The following GRM7 variants were observed in gnomAD, a reference collection of about 807,000 sequenced individuals.
The protein encoded by GRM7 is glutamate metabotropic receptor 7.
A neutral mutation model predicts 84.5 loss-of-function variants in GRM7; 35 were observed. The observed-to-expected ratio is 0.41, with a 90% confidence interval of 0.32 to 0.55. GRM7 has a LOEUF of 0.55. Ranked by LOEUF, GRM7 falls within the 20% of genes least tolerant of loss-of-function variation. The pLI, the probability that GRM7 is intolerant of heterozygous loss-of-function variation, is 0.19. For missense variants in GRM7, 1,003 were observed against 1,194.6 expected (o/e 0.84, Z 2.36); for synonymous variants, 487 against 455.1 (o/e 1.07, Z -0.89).
At chr3:6,965,225 G>T (rs1435868854) in intron 1 of GRM7, among the ~76,000 whole-genome samples, 1 of 152,190 alleles carries the variant, frequency 6.6e-6, no homozygotes. Context: ...ACAGAGAAAA[G>T]TTGTTCAAGA....
At chr3:6,961,683 C>T (rs1693302954) in intron 1 of GRM7, among the ~76,000 whole-genome samples, 1 of 152,174 alleles carries the variant, frequency 6.6e-6, no homozygotes, top group African/African-American at 2.4e-5. Flanking sequence ...GCCTTACCTT[C>T]CTACAACCAA....
intron 8 of GRM7, among the ~76,000 whole-genome samples, chr3:7,589,488 G>A (rs534845321): frequency 1.3e-5 from 2 of 152,260 alleles, no homozygotes; most frequent in South Asian, 2.1e-4. Context: ...ATCTTAAGAT[G>A]CTTCATTGTT....
chr3:7,103,748 C>T (rs575547891), intron 1 of GRM7, among the ~76,000 whole-genome samples: 3 of 127,446 alleles, frequency 2.4e-5, no homozygotes, highest in African/African-American at 1.1e-4. Flanking sequence ...TTCTCTCTCT[C>T]CCTTTCTTTC....
intron 7 of GRM7, among the ~76,000 whole-genome samples, chr3:7,526,210 T>C (rs1700801089): frequency 6.6e-6 from 1 of 152,136 alleles, no homozygotes; most frequent in African/African-American, 2.4e-5. Context: ...TCTGTTATTT[T>C]TTGACCTTTT....
intron 7 of GRM7, among the ~76,000 whole-genome samples, chr3:7,552,489 C>T (rs971926990): frequency 6.6e-6 from 1 of 152,196 alleles, no homozygotes; most frequent in African/African-American, 2.4e-5. Flanking sequence ...ACTGCCCTAG[C>T]AGAGGTCATT....
intron 2 of GRM7, among the ~76,000 whole-genome samples, chr3:7,244,261 C>T (rs1274898218): frequency 2.6e-5 from 4 of 152,080 alleles, no homozygotes; most frequent in African/African-American, 9.7e-5. Context: ...TATTGTACAG[C>T]TATGTACAGC....
intron 8 of GRM7, among the ~76,000 whole-genome samples, chr3:7,672,216 T>G (rs1301902429): frequency 6.6e-6 from 1 of 152,178 alleles, no homozygotes; most frequent in Non-Finnish European, 1.5e-5. Flanking sequence ...ATTGCAAACA[T>G]TCTGTCTCAT....
intron 1 of GRM7, among the ~76,000 whole-genome samples, chr3:6,909,618 G>A (rs951902829): frequency 6.6e-6 from 1 of 151,956 alleles, no homozygotes; most frequent in Non-Finnish European, 1.5e-5. Flanking sequence ...GATTTCCACT[G>A]TATATAAAAA....
chr3:7,279,672 G>A (rs1699189913), intron 2 of GRM7, among the ~76,000 whole-genome samples: 1 of 152,176 alleles, frequency 6.6e-6, no homozygotes, highest in Non-Finnish European at 1.5e-5. Context: ...GGAGCTACCT[G>A]AGACCTTCAT....
chr3:7,463,739 G>C (rs1055859554), intron 7 of GRM7, among the ~76,000 whole-genome samples: 2 of 152,166 alleles, frequency 1.3e-5, no homozygotes, highest in African/African-American at 2.4e-5. Context: ...GATTTAATCA[G>C]CAAGGAAAAT....
chr3:7,183,709 G>T (rs1482253885), intron 2 of GRM7, among the ~76,000 whole-genome samples: 1 of 152,110 alleles, frequency 6.6e-6, no homozygotes, highest in Admixed American at 6.6e-5. Flanking sequence ...CATAAAGAAA[G>T]TGCTTAGTAA....
At chr3:7,064,467 T>TATATATATATACACAC (rs1559415334) in intron 1 of GRM7, among the ~76,000 whole-genome samples, 1 of 105,400 alleles carries the variant, frequency 9.5e-6, no homozygotes, top group African/African-American at 4.7e-5. Context: ...TATATACATA[T>TATATATATATACACAC]ATATATATAT....
chr3:6,943,197 A>C (rs1205627373), intron 1 of GRM7, among the ~76,000 whole-genome samples: 1 of 151,826 alleles, frequency 6.6e-6, no homozygotes, highest in Non-Finnish European at 1.5e-5. Context: ...CAAAAAACTG[A>C]AGTTTTCAGT....
rs369222669 is a variant in GRM7, at chr3:7,036,476, C to T, written c.520-109976C>T. ...CATCTTGAGAATCACATCTAGATAA[C>T]AAAGCTTACATGGGATTATAGAATC... On this transcript the variant is annotated intron_variant, in intron 1 of 9. Coordinates refer to ENST00000357716, the MANE Select transcript of GRM7 (RefSeq NM_000844.4). 6.6e-5 allele frequency among the ~76,000 whole-genome samples: 10 copies of T among 152,078 alleles called. No individual in the cohort carries two copies. The East Asian group carries it at 7.8e-4, about 12-fold the overall frequency.
intron 5 of GRM7, among the ~76,000 whole-genome samples, chr3:7,420,374 A>T (rs1435864743): frequency 6.6e-6 from 1 of 152,184 alleles, no homozygotes; most frequent in Non-Finnish European, 1.5e-5. Context: ...TTTACTTAAC[A>T]TGATTGAGGA....
rs140203704 is a variant in GRM7 at position 6,995,554 on chromosome 3, T to A, written c.519+133647T>A. On this transcript the variant is annotated intron_variant, in intron 1 of 9. Coordinates refer to ENST00000357716, the MANE Select transcript of GRM7 (RefSeq NM_000844.4). ...AGTACTGAATGGATGCAATGGCAAT[T>A]TTGTACTTTGCTATGAAAATATTTG... 2.5e-3 allele frequency among the ~76,000 whole-genome samples: 374 copies of A among 152,290 alleles called. 2 individuals carry two copies. The highest frequency in any genetic ancestry group is 8.2e-3 in the African/African-American group (340 of 41,570).
At chr3:7,691,245 T>C (rs1412169438) in intron 9 of GRM7, 1 of 1,285,428 alleles carries the variant, frequency 7.8e-7, no homozygotes, top group South Asian at 1.2e-5. Flanking sequence ...CAAAGAGGAT[T>C]GAGATAACAT....
intron 1 of GRM7, among the ~76,000 whole-genome samples, chr3:7,081,246 C>T (rs985877537): frequency 2.6e-5 from 4 of 152,058 alleles, no homozygotes; most frequent in Middle Eastern, 3.2e-3. Context: ...CATTTCCTAA[C>T]ACCATTTTCA....
intron 1 of GRM7, among the ~76,000 whole-genome samples, chr3:6,898,847 A>G (rs542202316): frequency 4.1e-4 from 62 of 152,036 alleles, no homozygotes; most frequent in African/African-American, 1.4e-3. Flanking sequence ...ATGAAGAAAG[A>G]AAAGAAAAGA....
Sources: gnomAD v4.1 joint callset for allele counts (sites outside exome capture counted in the v4.1 genomes callset) on GRCh38, gnomAD v4.1.1 for gene constraint, MANE v1.5 for transcripts, NCBI Gene and HGNC (gene_info 2026-07-23, HGNC 2026-07-21) for gene names.